The following NCOR1 variants were observed in gnomAD, a reference collection of about 807,000 sequenced individuals.
NCOR1 encodes the protein protein phosphatase 1, regulatory subunit 109.
A neutral mutation model predicts 288.1 loss-of-function variants in NCOR1; 63 were observed. The observed-to-expected ratio is 0.22, with a 90% CI of 0.18 to 0.27. The LOEUF (loss-of-function observed/expected upper bound fraction) is 0.27, where lower values mean the gene tolerates loss of function less well. Among genes scored for constraint, NCOR1 ranks in the 10% least tolerant of loss-of-function variants. NCOR1 has a pLI of 1.00. For missense variants in NCOR1, 2,397 were observed against 3,019.2 expected, an observed-to-expected ratio of 0.79 and a Z score of 4.83; for synonymous variants, 1,007 against 1,065.9, an observed-to-expected ratio of 0.94 and a Z score of 1.08.
intron 19 of NCOR1, among the ~76,000 whole-genome samples, chr17:16,105,343 G>GGAGTTTGA (rs1336813190): frequency 2.0e-5 from 3 of 152,002 alleles, no homozygotes; most frequent in African/African-American, 7.3e-5. Flanking sequence ...CTTGAGCCTG[G>GGAGTTTGA]GAGTTTGAGG....
At chr17:16,100,106 G>A (rs2067332223) in intron 20 of NCOR1, among the ~76,000 whole-genome samples, 1 of 151,988 alleles carries the variant, frequency 6.6e-6, no homozygotes, top group African/African-American at 2.4e-5. Context: ...GGGTTTAATT[G>A]GGTTCGGATT....
intron 11 of NCOR1, among the ~76,000 whole-genome samples, chr17:16,141,649 A>AC (rs2077174651): frequency 6.6e-6 from 1 of 152,168 alleles, no homozygotes; most frequent in Non-Finnish European, 1.5e-5. Context: ...CAAAGAGGCT[A>AC]TTTTTTCATC....
In NCOR1 at chr17:16,073,426, T is replaced by C; in HGVS notation, c.3811+3A>G. 6.3e-7 allele frequency: 1 copy of C among 1,578,816 alleles called. No homozygotes were observed. Among genetic ancestry groups the C allele is most frequent in the African/African-American group, 1.4e-5 (1 of 73,518 alleles). ...AAATAACATTCTGAAAACAATGCTTTACCCTCTAACGGTGCTGATACAGGA... is the reference window on the plus strand; with the variant it reads ...AAATAACATTCTGAAAACAATGCTTCACCCTCTAACGGTGCTGATACAGGA... On this transcript the variant is annotated splice_donor_region_variant and intron_variant, in intron 28 of 45. Transcript: ENST00000268712.
chr17:16,057,907 A>C lies in NCOR1; in HGVS notation c.6168T>G (p.Cys2056Trp). 1 of 1,598,956 alleles carries C rather than the reference A, an allele frequency of 6.3e-7. No homozygotes were observed. Residue 2056 changes from cysteine to tryptophan, a missense_variant and splice_region_variant, in exon 39 of 46, where the codon TGT becomes TGG. This residue lies in a region of NCOR1 where 1,872 missense variants were observed against 2,187.8 expected (regional missense o/e 0.86). Transcript: ENST00000268712. ...HRLITLADHICQIITQDFARN... is the reference protein window; with the variant it reads ...HRLITLADHIWQIITQDFARN... ...CTAATAAGAATAATGAAAAACTTAC[A>C]CAGATGTGATCAGCAAGTGTGATCA...
At chr17:16,206,364 A>T (rs1187326613) in intron 1 of NCOR1, among the ~76,000 whole-genome samples, 1 of 151,572 alleles carries the variant, frequency 6.6e-6, no homozygotes, top group African/African-American at 2.4e-5. Flanking sequence ...TAGTGACCGT[A>T]AGTTGATTAA....
At chr17:16,089,091 T>A (rs2064734357) in intron 22 of NCOR1, among the ~76,000 whole-genome samples, 1 of 151,046 alleles carries the variant, frequency 6.6e-6, no homozygotes, top group Non-Finnish European at 1.5e-5. Context: ...TATAACTATG[T>A]TTAAAAAAAA....
At chr17:16,082,166 T>C (rs1332009676) in intron 23 of NCOR1, among the ~76,000 whole-genome samples, 1 of 147,986 alleles carries the variant, frequency 6.8e-6, no homozygotes, top group Non-Finnish European at 1.5e-5. Context: ...AAGCAAATAA[T>C]AACAGCCAAA....
At chr17:16,194,967 T>A (rs1290110495) in intron 1 of NCOR1, among the ~76,000 whole-genome samples, 1 of 152,136 alleles carries the variant, frequency 6.6e-6, no homozygotes, top group Non-Finnish European at 1.5e-5. Flanking sequence ...CAAAAATACA[T>A]GGTTTTAAAT....
chr17:16,104,800 G>C (rs1305313293), intron 19 of NCOR1, among the ~76,000 whole-genome samples: 1 of 152,126 alleles, frequency 6.6e-6, no homozygotes, highest in South Asian at 2.1e-4. Flanking sequence ...TGATATATCA[G>C]GTGGTGATCA....
chr17:16,074,761 A>C (rs972435830), intron 27 of NCOR1, among the ~76,000 whole-genome samples: 3 of 152,154 alleles, frequency 2.0e-5, no homozygotes, highest in Admixed American at 6.5e-5. Flanking sequence ...CTACTGAGAA[A>C]ATATAACAAG....
chr17:16,107,041 C>T lies in NCOR1; in HGVS notation c.2182+1745G>A, dbSNP rs931107512. ...CCGAGTAGCTGGGACTACAGGCGCC[C>T]GCCACCATGCCCGGCTAACTTTTTT... On this transcript the variant is annotated intron_variant, in intron 19 of 45. Coordinates refer to ENST00000268712, the MANE Select transcript of NCOR1 (RefSeq NM_006311.4). Among the ~76,000 whole-genome samples, 7 of 151,086 alleles carry T rather than the reference C, an allele frequency of 4.6e-5. No individual in the cohort carries two copies. The South Asian group carries it at 8.4e-4, about 18-fold the overall frequency.
At chr17:16,146,573 A>C (rs749733996) in intron 9 of NCOR1, 25 bp from the exon 10 acceptor site, 2 of 1,549,658 alleles carry the variant, frequency 1.3e-6, no homozygotes, top group East Asian at 4.5e-5. Flanking sequence ...TAGCAAATTA[A>C]TAATAATTAA....
intron 1 of NCOR1, among the ~76,000 whole-genome samples, chr17:16,213,732 G>C (rs908726449): frequency 6.6e-6 from 1 of 152,094 alleles, no homozygotes; most frequent in Non-Finnish European, 1.5e-5. Context: ...AACCCTAGGA[G>C]AGTAGATGTT....
chr17:16,105,152 C>T (rs1479781736), intron 19 of NCOR1, among the ~76,000 whole-genome samples: 5 of 152,100 alleles, frequency 3.3e-5, no homozygotes, highest in African/African-American at 7.2e-5. Context: ...GAAAGTATTA[C>T]AGAATTTGGA....
chr17:16,187,963 T>C (rs1279138198), intron 2 of NCOR1, among the ~76,000 whole-genome samples: 5 of 150,172 alleles, frequency 3.3e-5, no homozygotes, highest in East Asian at 1.9e-4. Context: ...AGAAAATGAA[T>C]TGGTGGTTGT....
chr17:16,032,223 C>T lies in NCOR1; in HGVS notation c.*73G>A. On this transcript the variant is annotated 3_prime_UTR_variant, in exon 46 of 46. Coordinates refer to ENST00000268712, the MANE Select transcript of NCOR1 (RefSeq NM_006311.4). ...AAGTCACAGGAGGGCAGGTTTTTGA[C>T]CTGCTACTAAAAATTAAACCACAAA... 7.0e-7 allele frequency: 1 copy of T among 1,435,898 alleles called. No individual in the cohort carries two copies. Among genetic ancestry groups the T allele is most frequent in the Non-Finnish European group, 9.2e-7 (1 of 1,086,826 alleles). 88.9% of individuals were successfully genotyped at this position (1,435,898 alleles called of 1,614,324 possible).
chr17:16,033,352 A>AG (rs1972831298), intron 45 of NCOR1, among the ~76,000 whole-genome samples: 1 of 151,754 alleles, frequency 6.6e-6, no homozygotes, highest in Non-Finnish European at 1.5e-5. Flanking sequence ...AAAAAAAAAA[A>AG]AAACCCAAAA....
At chr17:16,140,881 T>G (rs764994626) in intron 11 of NCOR1, among the ~76,000 whole-genome samples, 1 of 151,798 alleles carries the variant, frequency 6.6e-6, no homozygotes, top group Non-Finnish European at 1.5e-5. Context: ...GTCCCAGCTA[T>G]TCAGGAGACT....
chr17:16,067,427 C>A (rs1192005610), intron 32 of NCOR1, among the ~76,000 whole-genome samples: 2 of 152,100 alleles, frequency 1.3e-5, no homozygotes, highest in African/African-American at 4.8e-5. Flanking sequence ...ATTTAGATTG[C>A]TTGGAAGTGT....
Sources: gnomAD v4.1 joint callset for allele counts (sites outside exome capture counted in the v4.1 genomes callset) on GRCh38, gnomAD v4.1.1 for gene constraint, gnomAD v4.1.1 regional missense constraint, MANE v1.5 for transcripts, NCBI Gene and HGNC (gene_info 2026-07-23, HGNC 2026-07-21) for gene names.